Variants in FGFR2 observed in about 807,000 individuals in gnomAD.
FGFR2 encodes fibroblast growth factor receptor 2.
Under a neutral mutation model 95.9 loss-of-function variants are expected in FGFR2, and 19 were observed. That is an observed-to-expected ratio of 0.20 (90% CI 0.14 to 0.29). The LOEUF (loss-of-function observed/expected upper bound fraction) is 0.29, where lower values mean the gene tolerates loss of function less well. Among genes scored for constraint, FGFR2 ranks in the 10% least tolerant of loss-of-function variants. The probability of loss-of-function intolerance (pLI) is 1.00; values close to 1 mark genes in which losing one functional copy is unlikely to be tolerated. For synonymous variants in FGFR2, 392 were observed against 393.3 expected (o/e 1.00, Z 0.04); for missense variants, 707 against 1,056.9 (o/e 0.67, Z 4.59).
chr10:121,573,679 A>AG (rs11379664), intron 2 of FGFR2, among the ~76,000 whole-genome samples: 72,005 of 151,374 alleles, frequency 0.48, 17,653 homozygotes, highest in African/African-American at 0.59. Context: ...AGAAAGAGGG[A>AG]GGGGCAGAGA....
chr10:121,514,595 G>A (rs1849440589), intron 9 of FGFR2, among the ~76,000 whole-genome samples: 1 of 152,174 alleles, frequency 6.6e-6, no homozygotes, highest in South Asian at 2.1e-4. Context: ...AAAATTCTGT[G>A]TAGAAAGTTA....
chr10:121,481,546 A>G (rs1164310209), intron 17 of FGFR2, among the ~76,000 whole-genome samples: 4 of 152,190 alleles, frequency 2.6e-5, no homozygotes, highest in Non-Finnish European at 2.9e-5. Flanking sequence ...AAACACGCCC[A>G]CCACATCAAA....
chr10:121,592,305 A>G (rs1333849756), intron 2 of FGFR2, among the ~76,000 whole-genome samples: 1 of 152,162 alleles, frequency 6.6e-6, no homozygotes, highest in East Asian at 1.9e-4. Flanking sequence ...ACCACTGCAA[A>G]TTACACTCAT....
chr10:121,542,127 A>G (rs1464104054), intron 5 of FGFR2, among the ~76,000 whole-genome samples: 2 of 152,232 alleles, frequency 1.3e-5, no homozygotes, highest in African/African-American at 4.8e-5. Flanking sequence ...AGGTATCATT[A>G]AACAGTTATT....
intron 2 of FGFR2, among the ~76,000 whole-genome samples, chr10:121,574,453 C>T (rs1313100774): frequency 2.6e-5 from 4 of 151,956 alleles, no homozygotes; most frequent in African/African-American, 7.3e-5. Context: ...TGCTTGAATC[C>T]GGGAGGCGGG....
chr10:121,591,614 AC>A (rs1037558823), intron 2 of FGFR2, among the ~76,000 whole-genome samples: 1 of 152,192 alleles, frequency 6.6e-6, no homozygotes, highest in Admixed American at 6.5e-5. Context: ...GGACTTGTAT[AC>A]TTTTCCAAAG....
At chr10:121,496,941 G>A (rs1846920761) in intron 12 of FGFR2, among the ~76,000 whole-genome samples, 1 of 151,344 alleles carries the variant, frequency 6.6e-6, no homozygotes, top group Non-Finnish European at 1.5e-5. Context: ...GACCAGCCTG[G>A]CCAGCATAGC....
At chr10:121,590,039 T>C (rs1466204749) in intron 2 of FGFR2, among the ~76,000 whole-genome samples, 1 of 152,140 alleles carries the variant, frequency 6.6e-6, no homozygotes, top group Non-Finnish European at 1.5e-5. Context: ...CTTAGGGAGG[T>C]CTCTGTGTAG....
At position 121,593,784 on chromosome 10, in the gene FGFR2, C is replaced by G. The variant is rs143978938; in HGVS notation, c.34G>C (p.Val12Leu). ...AGGGACAAGGTTGCCATGGTGACCACGACCAGGCAGATGAAACGACCCCAG... is the reference window on the plus strand; with the variant it reads ...AGGGACAAGGTTGCCATGGTGACCAGGACCAGGCAGATGAAACGACCCCAG... ...VSWGRFICLV[V>L]VTMATLSLAR... Residue 12 changes from valine (V) to leucine (L), a missense_variant, in exon 2 of 18, where the codon GTG becomes CTG. Around this residue, in one of 7 missense-constraint regions of FGFR2, gnomAD observed 178 missense variants for 194.1 expected, o/e 0.92. Transcript: ENST00000358487. 4 of 1,614,196 alleles carry G rather than the reference C, an allele frequency of 2.5e-6. No homozygotes were observed. Among genetic ancestry groups the G allele is most frequent in the Non-Finnish European group, 1.7e-6 (2 of 1,180,030 alleles).
intron 9 of FGFR2, among the ~76,000 whole-genome samples, chr10:121,511,523 A>G (rs915174070): frequency 6.6e-6 from 1 of 152,034 alleles, no homozygotes; most frequent in Admixed American, 6.6e-5. Context: ...GCTGCTTCAC[A>G]CTGGTCACTG....
intron 6 of FGFR2, chr10:121,538,195 A>C: frequency 1.6e-6 from 1 of 614,560 alleles, no homozygotes; most frequent in African/African-American, 1.8e-5. Context: ...TTTACTCTTC[A>C]GCTGGCCTTC....
chr10:121,487,370 T>C lies in FGFR2; in HGVS notation c.2041A>G (p.Thr681Ala). ...GTTACTCACACATCACTCTGATGAGTGTATACTCTATCAAACAGGGCTTCT... is the reference window on the plus strand; with the variant it reads ...GTTACTCACACATCACTCTGATGAGCGTATACTCTATCAAACAGGGCTTCT... ...APEALFDRVY[T>A]HQSDVWSFGV... Residue 681 changes from threonine (T) to alanine (A), a missense_variant, in exon 15 of 18, where the codon ACT becomes GCT. Transcript: ENST00000358487. 6.2e-7 allele frequency: 1 copy of C among 1,613,792 alleles called. No individual in the cohort carries two copies. Among genetic ancestry groups the C allele is most frequent in the Non-Finnish European group, 8.5e-7 (1 of 1,179,700 alleles).
At chr10:121,505,533 C>T (rs947995856) in intron 9 of FGFR2, among the ~76,000 whole-genome samples, 1 of 152,196 alleles carries the variant, frequency 6.6e-6, no homozygotes, top group African/African-American at 2.4e-5. Context: ...GAGATCCTCA[C>T]ACCCAAGTGT....
At chr10:121,489,239 A>G (rs1039146197) in intron 13 of FGFR2, among the ~76,000 whole-genome samples, 2 of 151,856 alleles carry the variant, frequency 1.3e-5, no homozygotes, top group Non-Finnish European at 2.9e-5. Flanking sequence ...CACCCGGCTA[A>G]TATTTTGTAT....
chr10:121,484,157 A>G (rs150893553), intron 16 of FGFR2, among the ~76,000 whole-genome samples: 18 of 152,192 alleles, frequency 1.2e-4, no homozygotes, highest in African/African-American at 3.6e-4. Context: ...GCTGGTCTCC[A>G]GTCTTCCCTC....
At chr10:121,502,674 G>A (rs1320725981) in intron 10 of FGFR2, among the ~76,000 whole-genome samples, 13 of 152,192 alleles carry the variant, frequency 8.5e-5, no homozygotes. Flanking sequence ...AATCTGAGGA[G>A]CTACTGAAAA....
chr10:121,479,388 C>T lies in FGFR2; in HGVS notation c.*469G>A, dbSNP rs41294351. 3,107 of 321,580 alleles carry T rather than the reference C, an allele frequency of 9.7e-3. 71 individuals are homozygous for T. The highest frequency in any genetic ancestry group is 0.056 in the African/African-American group (2,628 of 47,114). 19.9% of individuals were successfully genotyped at this position (321,580 alleles called of 1,614,324 possible). On this transcript the variant is annotated 3_prime_UTR_variant, in exon 18 of 18. Transcript: ENST00000358487. The stretch of plus-strand genomic sequence containing the variant: ...GACCAATTTTCTAGGTGCATTGGGA[C>T]ATCCATTTAAAATCAATACAAAAAA...
intron 10 of FGFR2, among the ~76,000 whole-genome samples, chr10:121,502,289 C>T (rs1444825872): frequency 6.6e-6 from 1 of 152,214 alleles, no homozygotes; most frequent in Non-Finnish European, 1.5e-5. Context: ...TCTCCACATC[C>T]TACAGGTAAA....
chr10:121,514,869 T>G (rs1019179038), intron 9 of FGFR2, among the ~76,000 whole-genome samples: 4 of 152,172 alleles, frequency 2.6e-5, no homozygotes, highest in Non-Finnish European at 5.9e-5. Context: ...TCCTGCTGAT[T>G]AGTTTTCTGA....
Sources: allele counts gnomAD v4.1 joint callset (sites outside exome capture counted in the v4.1 genomes callset), GRCh38; gene constraint gnomAD v4.1.1; regional missense constraint gnomAD v4.1.1; transcripts MANE v1.5; gene names NCBI Gene and HGNC (gene_info 2026-07-23, HGNC 2026-07-21).